Variants in CHAMP1 observed in about 807,000 individuals in gnomAD.
CHAMP1 encodes chromosome alignment maintaining phosphoprotein 1.
In CHAMP1, 4 loss-of-function variants were observed where a neutral mutation model predicts 54.5. The ratio of observed to expected loss-of-function variants is 0.07; its 90% CI spans 0.04 to 0.17. The LOEUF (loss-of-function observed/expected upper bound fraction) is 0.17. Ranked by LOEUF, CHAMP1 falls within the 10% of genes least tolerant of loss-of-function variation. CHAMP1 has a pLI of 1.00. For synonymous variants in CHAMP1, 368 were observed against 342.2 expected (o/e 1.08, Z -0.83); for missense variants, 994 against 968.6 (o/e 1.03, Z -0.35).
chr13:114,326,811 G>A lies in CHAMP1; in HGVS notation c.*530G>A, dbSNP rs1555380073. 6.0e-6 allele frequency: 1 copy of A among 167,006 alleles called. No homozygotes were observed. The highest frequency in any genetic ancestry group is 1.9e-4 in the East Asian group (1 of 5,206). The allele number at this position is 167,006 out of a possible 1,614,324, so 10.3% of individuals were successfully genotyped here. ...TTTATTAGCTTTTATGTCATGAAAT[G>A]TTGGAGTCTCAGGGTTGCTGATTTT... On this transcript the variant is annotated 3_prime_UTR_variant, in exon 3 of 3. Transcript: ENST00000361283.
chr13:114,325,107 C>T lies in CHAMP1; in HGVS notation c.1265C>T (p.Pro422Leu), dbSNP rs782510090. The T allele has an allele frequency of 1.9e-5, 31 of 1,614,036 alleles. No homozygotes were observed. Among genetic ancestry groups the T allele is most frequent in the Non-Finnish European group, 2.5e-5 (30 of 1,180,050 alleles). The stretch of plus-strand genomic sequence containing the variant: ...CCAGTGTCTCCAGAGCTTCGCAAAC[C>T]CGGCCCACCACTATCCCCAGAGATC... Reference protein sequence around the residue: ...VPPVSPELRKPGPPLSPEIRS... With the variant: ...VPPVSPELRKLGPPLSPEIRS... The change falls in exon 3 of 3, where the codon CCC becomes CTC. Residue 422 changes from proline (P) to leucine (L), a missense_variant. Pro to Leu is a moderately conservative substitution (Grantham distance 98). This residue lies in a region of CHAMP1 where 851 missense variants were observed against 701.3 expected (regional missense o/e 1.21). Coordinates refer to ENST00000361283, the MANE Select transcript of CHAMP1 (RefSeq NM_032436.4).
chr13:114,324,500 G>C lies in CHAMP1; in HGVS notation c.658G>C (p.Ala220Pro), dbSNP rs139973531. The change falls in exon 3 of 3, where the codon GCT becomes CCT. Residue 220 changes from alanine to proline, a missense_variant. Physicochemically the swap from Ala to Pro is conservative, Grantham distance 27 (BLOSUM62 -1). Around this residue, in one of 3 missense-constraint regions of CHAMP1, gnomAD observed 851 missense variants for 701.3 expected, o/e 1.21. Coordinates refer to ENST00000361283, the MANE Select transcript of CHAMP1 (RefSeq NM_032436.4). ...PAPVSPESVK[A>P]TLSNPKPQKQ... ...CCCTGTATCTCCTGAGTCAGTAAAG[G>C]CTACTCTTAGTAATCCCAAACCCCA... The C allele has an allele frequency of 1.0e-4, 163 of 1,613,886 alleles. No homozygotes were observed. In the African/African-American group the frequency reaches 1.8e-3, roughly 18 times the overall value.
chr13:114,321,155 T>C lies in CHAMP1; in HGVS notation c.-133T>C. On this transcript the variant is annotated 5_prime_UTR_variant, in exon 2 of 3. Coordinates refer to ENST00000361283, the MANE Select transcript of CHAMP1 (RefSeq NM_032436.4). ...TCTTCTTCATATACTATAGGCTGTT[T>C]GCTGTGGTTTAGTCAAAAAGCCATG... is the stretch of plus-strand genomic sequence containing the variant. 1 of 151,058 alleles carries C rather than the reference T, an allele frequency of 6.6e-6. No homozygotes were observed. Among genetic ancestry groups the C allele is most frequent in the East Asian group, 1.9e-4 (1 of 5,180 alleles). The allele number at this position is 151,058 out of a possible 1,614,324, so 9.4% of individuals were successfully genotyped here. A position where few individuals can be genotyped will look rare whatever the true frequency, so the allele number is the denominator to read the frequency against.
intron 2 of CHAMP1, chr13:114,322,571 T>C (rs1283722640): frequency 6.6e-6 from 1 of 152,230 alleles, no homozygotes; most frequent in Non-Finnish European, 1.5e-5. Context: ...CACGTTGTTA[T>C]GCAGTAATAG....
At chr13:114,321,064 A>G (rs1555379070) in intron 1 of CHAMP1, 46 bp from the exon 2 acceptor site, 1 of 149,692 alleles carries the variant, frequency 6.7e-6, no homozygotes, top group East Asian at 2.0e-4. Context: ...ACACGATCAC[A>G]GATATAGTTT....
intron 1 of CHAMP1, among the ~76,000 whole-genome samples, chr13:114,320,016 A>G (rs192580956): frequency 6.6e-6 from 1 of 152,324 alleles, no homozygotes; most frequent in East Asian, 1.9e-4. Flanking sequence ...GGCAGATCAC[A>G]TTAGGCTTCT....
Position 114,324,707 on chromosome 13 carries a change from C to T in CHAMP1, c.865C>T (p.Pro289Ser), listed in dbSNP as rs1555379565. 3 of 1,613,796 alleles carry T rather than the reference C, an allele frequency of 1.9e-6. No homozygotes were observed. Among genetic ancestry groups the T allele is most frequent in the Non-Finnish European group, 2.5e-6 (3 of 1,179,796 alleles). The change falls in exon 3 of 3, where the codon CCT becomes TCT. Residue 289 changes from proline to serine, a missense_variant. Coordinates refer to ENST00000361283, the MANE Select transcript of CHAMP1 (RefSeq NM_032436.4). ...RKPSPSESPE[P>S]WKPFPAVSPE... ...GCCATCCCCTTCAGAGTCTCCTGAA[C>T]CTTGGAAGCCGTTCCCTGCTGTCTC...
At position 114,323,910 on chromosome 13, in the gene CHAMP1, G is replaced by T; in HGVS notation, c.68G>T (p.Gly23Val). Reference sequence around the variant, plus strand: ...GAGTGTGACCATTGCAGTTTCAGAGGCACAGACTATGAAAATGTACAAATC... The same window carrying T: ...GAGTGTGACCATTGCAGTTTCAGAGTCACAGACTATGAAAATGTACAAATC... The part of the protein sequence containing the change: ...RLECDHCSFR[G>V]TDYENVQIHM... The change falls in exon 3 of 3, where the codon GGC becomes GTC. Residue 23 changes from glycine (G) to valine (V), a missense_variant. Gly to Val is a moderately radical substitution (Grantham distance 109). Around this residue, in one of 3 missense-constraint regions of CHAMP1, gnomAD observed 84 missense variants for 120.7 expected, o/e 0.70. Coordinates refer to ENST00000361283, the MANE Select transcript of CHAMP1 (RefSeq NM_032436.4). 6.2e-7 allele frequency: 1 copy of T among 1,614,044 alleles called. No individual in the cohort carries two copies. The highest frequency in any genetic ancestry group is 8.5e-7 in the Non-Finnish European group (1 of 1,179,966).
In CHAMP1 at chr13:114,327,052, A is replaced by C. The variant is rs1010962936; in HGVS notation, c.*771A>C. The stretch of plus-strand genomic sequence containing the variant: ...CAGCTCACACTAATAGATGATTCTT[A>C]ATTGCCAAATGTGTTAGAGTTTGTA... On this transcript the variant is annotated 3_prime_UTR_variant, in exon 3 of 3. Coordinates refer to ENST00000361283, the MANE Select transcript of CHAMP1 (RefSeq NM_032436.4). 2 of 138,440 alleles carry C rather than the reference A, an allele frequency of 1.4e-5. No individual in the cohort carries two copies. Among genetic ancestry groups the C allele is most frequent in the African/African-American group, 3.1e-5 (1 of 32,082 alleles). The allele number at this position is 138,440 out of a possible 1,614,324, so 8.6% of individuals were successfully genotyped here. A position where few individuals can be genotyped will look rare whatever the true frequency, so the allele number is the denominator to read the frequency against.
chr13:114,317,983 T>C (rs992042472), intron 1 of CHAMP1, among the ~76,000 whole-genome samples: 1 of 152,172 alleles, frequency 6.6e-6, no homozygotes, highest in African/African-American at 2.4e-5. Flanking sequence ...TTAGTTAGGG[T>C]TAGGAGTTCT....
intron 1 of CHAMP1, among the ~76,000 whole-genome samples, 155 bp from the exon 2 acceptor site, chr13:114,320,955 C>CAAAAAAAAAAAAAA (rs1233050968): frequency 8.2e-6 from 1 of 122,466 alleles, no homozygotes; most frequent in African/African-American, 3.2e-5. Context: ...GACTCTGTCT[C>CAAAAAAAAAAAAAA]AAAAAAAAAA....
Position 114,314,527 on chromosome 13 carries a change from A to T in CHAMP1, c.-295A>T, listed in dbSNP as rs920302723. 2.6e-5 allele frequency: 4 copies of T among 151,700 alleles called. No individual in the cohort carries two copies. The highest frequency in any genetic ancestry group is 9.7e-5 in the African/African-American group (4 of 41,342). 9.4% of individuals were successfully genotyped at this position (151,700 alleles called of 1,614,324 possible). A position where few individuals can be genotyped will look rare whatever the true frequency, so the allele number is the denominator to read the frequency against. ...CGCGCACCCGGATCCCGGCTCCTGC[A>T]TCCAGTCGCCATTCGGGAGGCCGCT... On this transcript the variant is annotated 5_prime_UTR_variant, in exon 1 of 3. Coordinates refer to ENST00000361283, the MANE Select transcript of CHAMP1 (RefSeq NM_032436.4).
At chr13:114,323,324 G>A (rs2087196435) in intron 2 of CHAMP1, 1 of 152,492 alleles carries the variant, frequency 6.6e-6, no homozygotes, top group African/African-American at 2.4e-5. Context: ...TTTATTAAGT[G>A]CTTTCTGCAA....
Position 114,325,510 on chromosome 13 carries a change from G to A in CHAMP1, c.1668G>A (p.Lys556=), listed in dbSNP as rs781842130. Residue 556 remains lysine, a synonymous_variant, in exon 3 of 3, where the codon AAG becomes AAA. Coordinates refer to ENST00000361283, the MANE Select transcript of CHAMP1 (RefSeq NM_032436.4). ...GTGCCCTTTTTCCAGAGCCCCGGAA[G>A]CATGCCCTTTTCCCTGAACTCCCCA... The part of the protein sequence containing the change: ...RKRALFPEPR[K]HALFPELPKS... The A allele has an allele frequency of 1.2e-6, 2 of 1,614,146 alleles. No individual in the cohort carries two copies. Among genetic ancestry groups the A allele is most frequent in the East Asian group, 2.2e-5 (1 of 44,876 alleles).
intron 2 of CHAMP1, chr13:114,323,452 C>G (rs1170665711): frequency 3.6e-5 from 6 of 168,372 alleles, no homozygotes; most frequent in Admixed American, 6.3e-5. Flanking sequence ...AAAGCACATG[C>G]AATAGCTAAT....
chr13:114,323,947 C>T lies in CHAMP1; in HGVS notation c.105C>T (p.Thr35=). 6.2e-7 allele frequency: 1 copy of T among 1,614,142 alleles called. No homozygotes were observed. The highest frequency in any genetic ancestry group is 1.1e-5 in the South Asian group (1 of 91,084). The change falls in exon 3 of 3, where the codon ACC becomes ACT. Residue 35 remains threonine, a synonymous_variant. Coordinates refer to ENST00000361283, the MANE Select transcript of CHAMP1 (RefSeq NM_032436.4). ...AAAATGTACAAATCCATATGGGTACCATCCATCCAGAATTTTGTGATGAAA... is the reference window on the plus strand; with the variant it reads ...AAAATGTACAAATCCATATGGGTACTATCCATCCAGAATTTTGTGATGAAA... ...DYENVQIHMG[T]IHPEFCDEMD... is the part of the protein sequence containing the mutation.
At position 114,324,096 on chromosome 13, in the gene CHAMP1, A is replaced by G; in HGVS notation, c.254A>G (p.His85Arg). 1 of 1,614,240 alleles carries G rather than the reference A, an allele frequency of 6.2e-7. No homozygotes were observed. The highest frequency in any genetic ancestry group is 8.5e-7 in the Non-Finnish European group (1 of 1,180,030). ...GTATACTATCACATCACATCCAAAC[A>G]TGCATCCCCAGACAAATGGAATGAT... ...SNVYYHITSKHASPDKWNDKP... is the reference protein window; with the variant it reads ...SNVYYHITSKRASPDKWNDKP... The change falls in exon 3 of 3, where the codon CAT becomes CGT. Residue 85 changes from histidine (H) to arginine (R), a missense_variant. This residue lies in a region of CHAMP1 where 84 missense variants were observed against 120.7 expected (regional missense o/e 0.70). Transcript: ENST00000361283.
chr13:114,325,675 T>C lies in CHAMP1; in HGVS notation c.1833T>C (p.Thr611=). The C allele has an allele frequency of 6.2e-7, 1 of 1,613,832 alleles. No individual in the cohort carries two copies. The highest frequency in any genetic ancestry group is 1.6e-4 in the Middle Eastern group (1 of 6,062). ...LASPKKLLED[T]LFPSSKKLKK... ...CACCTAAGAAACTCTTAGAAGATAC[T>C]TTATTTCCTTCCTCAAAGAAGCTCA... Residue 611 remains threonine (T), a synonymous_variant, in exon 3 of 3, where the codon ACT becomes ACC. Coordinates refer to ENST00000361283, the MANE Select transcript of CHAMP1 (RefSeq NM_032436.4).
intron 1 of CHAMP1, among the ~76,000 whole-genome samples, chr13:114,319,262 C>T (rs2087140379): frequency 6.6e-6 from 1 of 152,090 alleles, no homozygotes; most frequent in South Asian, 2.1e-4. Flanking sequence ...TAGATGATCC[C>T]TGAGGTCTTT....
Sources: allele counts gnomAD v4.1 joint callset (sites outside exome capture counted in the v4.1 genomes callset), GRCh38; gene constraint gnomAD v4.1.1; regional missense constraint gnomAD v4.1.1; transcripts MANE v1.5; gene names NCBI Gene and HGNC (gene_info 2026-07-23, HGNC 2026-07-21).